Variants in SMYD3 observed in about 807,000 individuals in gnomAD.
SMYD3 encodes the protein SET and MYND domain containing 3.
A neutral mutation model predicts 57.7 loss-of-function variants in SMYD3; 36 were observed. The ratio of observed to expected loss-of-function variants is 0.62; its 90% confidence interval spans 0.48 to 0.82. SMYD3 has a LOEUF of 0.82. SMYD3 is among the 40% of genes least tolerant of loss of function. The pLI is 0.00. For missense variants in SMYD3, 515 were observed against 538.8 expected, an observed-to-expected ratio of 0.96 and a Z score of 0.44; for synonymous variants, 211 against 195.0, an observed-to-expected ratio of 1.08 and a Z score of -0.68.
chr1:246,199,179 TG>T (rs2062871518), intron 5 of SMYD3, among the ~76,000 whole-genome samples: 1 of 152,060 alleles, frequency 6.6e-6, no homozygotes, highest in South Asian at 2.1e-4. Context: ...TGTCCATAAC[TG>T]ATGTTTTTAG....
chr1:245,996,767 C>T (rs1399344363), intron 5 of SMYD3, among the ~76,000 whole-genome samples: 3 of 152,196 alleles, frequency 2.0e-5, no homozygotes, highest in African/African-American at 7.2e-5. Context: ...GTGTCCCCAT[C>T]CAAACTAGGG....
At chr1:246,451,325 A>C (rs550326525) in intron 1 of SMYD3, among the ~76,000 whole-genome samples, 2 of 152,380 alleles carry the variant, frequency 1.3e-5, no homozygotes, top group East Asian at 3.9e-4. Flanking sequence ...TGAGCTATCA[A>C]GCTCTGAAAA....
intron 10 of SMYD3, among the ~76,000 whole-genome samples, chr1:245,785,234 A>AATGTTACATTAC (rs2046987283): frequency 2.0e-5 from 3 of 152,034 alleles, no homozygotes; most frequent in Non-Finnish European, 4.4e-5. Context: ...GAGAATGTGG[A>AATGTTACATTAC]GGAGGAGATA....
rs1013843682 is a variant in SMYD3 at position 246,202,991 on chromosome 1, G to C, written c.531+124210C>G. Among the ~76,000 whole-genome samples the C allele has an allele frequency of 1.3e-5, 2 of 152,112 alleles. No individual in the cohort carries two copies. The highest frequency in any genetic ancestry group is 2.9e-5 in the Non-Finnish European group (2 of 68,008). On this transcript the variant is annotated intron_variant, in intron 5 of 11. Coordinates refer to ENST00000490107, the MANE Select transcript of SMYD3 (RefSeq NM_001167740.2). This position sits in a 1 kb window ranked among gnomAD's most constrained non-coding sequence, Gnocchi z 4.1. ...AATACAAAATTTAGCTGGTCGTGGTGGTGGGCGCCTATAATCCCAGCTACT... is the reference window on the plus strand; with the variant it reads ...AATACAAAATTTAGCTGGTCGTGGTCGTGGGCGCCTATAATCCCAGCTACT...
chr1:246,105,196 G>C (rs1029763237), intron 5 of SMYD3, among the ~76,000 whole-genome samples: 2 of 151,908 alleles, frequency 1.3e-5, no homozygotes, highest in African/African-American at 4.8e-5. Context: ...AAGGACTGGG[G>C]TTCTGGCTAA....
At chr1:246,146,001 C>A (rs2061837063) in intron 5 of SMYD3, among the ~76,000 whole-genome samples, 1 of 152,176 alleles carries the variant, frequency 6.6e-6, no homozygotes. Context: ...AAAGCAGGCT[C>A]AGTCATTATT....
intron 5 of SMYD3, among the ~76,000 whole-genome samples, chr1:246,116,365 T>G (rs893467218): frequency 1.6e-4 from 24 of 152,106 alleles, no homozygotes; most frequent in African/African-American, 5.8e-4. Flanking sequence ...TCTTATGAAA[T>G]GGGGCTGAAA....
chr1:246,265,913 G>T (rs147618691), intron 5 of SMYD3, among the ~76,000 whole-genome samples: 1 of 152,110 alleles, frequency 6.6e-6, no homozygotes, highest in Non-Finnish European at 1.5e-5. Context: ...CAAGCTATTG[G>T]GTTTGAGAAT....
In SMYD3 at chr1:245,961,259, A is replaced by G. The variant is rs539098526; in HGVS notation, c.532-31322T>C. 7.9e-5 allele frequency among the ~76,000 whole-genome samples: 12 copies of G among 152,334 alleles called. 1 individual carries two copies. Among genetic ancestry groups the G allele is most frequent in the African/African-American group, 2.9e-4 (12 of 41,572 alleles). On this transcript the variant is annotated intron_variant, in intron 5 of 11. Coordinates refer to ENST00000490107, the MANE Select transcript of SMYD3 (RefSeq NM_001167740.2). ...AGGGTCAACCCTCATTTCTAGGAAC[A>G]TAATTTTCAACCACAAAGTTCCCTT...
rs763591857 is a variant in SMYD3 at position 245,858,617 on chromosome 1, G to A, written c.955C>T (p.Arg319Trp). Residue 319 changes from arginine (R) to tryptophan (W), a missense_variant, in exon 10 of 12, where the codon CGG (arginine) becomes TGG (tryptophan). Physicochemically the swap from Arg to Trp is moderately radical, Grantham distance 101 (BLOSUM62 -3). Coordinates refer to ENST00000490107, the MANE Select transcript of SMYD3 (RefSeq NM_001167740.2). ...TGGTAGATGTTGATATCGGGAAGCC[G>A]TTCAGAATTGCTGCTTATGATTGCC... ...CQAIISSNSERLPDINIYQLK... is the reference protein window; with the variant it reads ...CQAIISSNSEWLPDINIYQLK... 10 of 1,614,076 alleles carry A rather than the reference G, an allele frequency of 6.2e-6. No homozygotes were observed. The highest frequency in any genetic ancestry group is 3.3e-5 in the South Asian group (3 of 91,092).
At chr1:246,145,169 A>G (rs911443277) in intron 5 of SMYD3, among the ~76,000 whole-genome samples, 2 of 152,164 alleles carry the variant, frequency 1.3e-5, no homozygotes, top group African/African-American at 4.8e-5. Flanking sequence ...GAGACTACAC[A>G]TGCCTGGCTC....
intron 1 of SMYD3, among the ~76,000 whole-genome samples, chr1:246,375,078 G>A (rs1210770275): frequency 6.6e-6 from 1 of 152,098 alleles, no homozygotes; most frequent in Non-Finnish European, 1.5e-5. Flanking sequence ...GGGCAACAGA[G>A]TAAGACTCCG....
intron 5 of SMYD3, among the ~76,000 whole-genome samples, chr1:246,217,474 A>G (rs1405280937): frequency 6.6e-6 from 1 of 151,994 alleles, no homozygotes; most frequent in African/African-American, 2.4e-5. Context: ...GTACAACTGC[A>G]CTCCAGCCTG....
At chr1:246,208,304 T>G (rs2063032592) in intron 5 of SMYD3, among the ~76,000 whole-genome samples, 1 of 152,224 alleles carries the variant, frequency 6.6e-6, no homozygotes, top group Non-Finnish European at 1.5e-5. Context: ...CTTCACGTGG[T>G]GAAGTGCATT....
intron 5 of SMYD3, among the ~76,000 whole-genome samples, chr1:246,217,839 C>T (rs572718588): frequency 3.9e-4 from 60 of 152,020 alleles, no homozygotes; most frequent in South Asian, 1.9e-3. Context: ...TGGTTCAGTA[C>T]GAATGAAGTC....
chr1:246,272,112 G>A (rs1261713671), intron 5 of SMYD3, among the ~76,000 whole-genome samples: 1 of 152,108 alleles, frequency 6.6e-6, no homozygotes, highest in Admixed American at 6.5e-5. Flanking sequence ...AAATGCAACG[G>A]ATTTTTGTGT....
At chr1:246,011,439 C>A (rs1212456497) in intron 5 of SMYD3, among the ~76,000 whole-genome samples, 1 of 152,104 alleles carries the variant, frequency 6.6e-6, no homozygotes, top group African/African-American at 2.4e-5. Flanking sequence ...TTATTCATAA[C>A]GGTTTTTCAT....
At chr1:246,473,432 GA>G (rs1172306076) in intron 1 of SMYD3, among the ~76,000 whole-genome samples, 1 of 152,166 alleles carries the variant, frequency 6.6e-6, no homozygotes, top group African/African-American at 2.4e-5. Flanking sequence ...TCTCAGAGAA[GA>G]AAGTGTTTTT....
chr1:246,483,575 A>G (rs569738374), intron 1 of SMYD3: 1 of 152,350 alleles, frequency 6.6e-6, no homozygotes, highest in Non-Finnish European at 1.5e-5. Context: ...AGCTATCTCT[A>G]TTGCAGATGT....
Sources: allele counts gnomAD v4.1 joint callset (sites outside exome capture counted in the v4.1 genomes callset), GRCh38; gene constraint gnomAD v4.1.1; non-coding constraint Gnocchi (gnomAD v3.1); transcripts MANE v1.5; gene names NCBI Gene and HGNC (gene_info 2026-07-23, HGNC 2026-07-21).